Variants in RTP2 observed in about 807,000 individuals in gnomAD.
RTP2 encodes receptor-transporting protein 2.
RTP2 carries 12 observed loss-of-function variants against 17.9 expected under a neutral mutation model. The observed-to-expected ratio is 0.67, with a 90% CI of 0.43 to 1.09. The LOEUF (loss-of-function observed/expected upper bound fraction) is 1.09, where lower values mean the gene tolerates loss of function less well. RTP2 is among the 50% of genes least tolerant of loss of function. RTP2 has a pLI of 0.00. For synonymous variants in RTP2, 126 were observed against 117.7 expected, an observed-to-expected ratio of 1.07 and a Z score of -0.46; for missense variants, 327 against 295.7, an observed-to-expected ratio of 1.11 and a Z score of -0.78.
chr3:187,700,416 C>A (rs1276263747), intron 1 of RTP2, among the ~76,000 whole-genome samples: 2 of 152,202 alleles, frequency 1.3e-5, no homozygotes, highest in Non-Finnish European at 2.9e-5. Context: ...AGTTCTTCAG[C>A]TCTTCCTGAG....
At chr3:187,702,888 C>T (rs528568675), upstream of RTP2, among the ~76,000 whole-genome samples, 1 of 152,334 alleles carries the variant, frequency 6.6e-6, no homozygotes, top group East Asian at 1.9e-4. Flanking sequence ...ATATGCCATG[C>T]AAAGCACAGT....
chr3:187,703,082 T>C (rs963004664), upstream of RTP2, among the ~76,000 whole-genome samples: 6 of 152,198 alleles, frequency 3.9e-5, no homozygotes, highest in Non-Finnish European at 7.3e-5. Context: ...CCAATTCAAA[T>C]TCTTTAGAAA....
At chr3:187,710,082 T>A in the RTP2 span, among the ~76,000 whole-genome samples, 1 of 152,166 alleles carries the variant, frequency 6.6e-6, no homozygotes, top group Non-Finnish European at 1.5e-5. Context: ...TGGATGGGCA[T>A]CATCCAATCC....
At chr3:187,710,792 C>T in the RTP2 span, among the ~76,000 whole-genome samples, 1 of 151,996 alleles carries the variant, frequency 6.6e-6, no homozygotes, top group Non-Finnish European at 1.5e-5. Flanking sequence ...TTGAGGATTC[C>T]TGAAAGTGTA....
At chr3:187,703,002 G>A (rs1007935092), upstream of RTP2, among the ~76,000 whole-genome samples, 2 of 149,582 alleles carry the variant, frequency 1.3e-5, no homozygotes, top group Non-Finnish European at 3.0e-5. Context: ...AGTTTGTTCT[G>A]TGCTGCAGGC....
chr3:187,703,470 TTGAC>T (rs1365514289), upstream of RTP2, among the ~76,000 whole-genome samples: 5 of 152,218 alleles, frequency 3.3e-5, no homozygotes, highest in Admixed American at 6.5e-5. Context: ...CTTTGAACCA[TTGAC>T]TGACAGCTCT....
chr3:187,704,042 C>G (rs757217395), upstream of RTP2, among the ~76,000 whole-genome samples: 1 of 152,150 alleles, frequency 6.6e-6, no homozygotes, highest in Non-Finnish European at 1.5e-5. Context: ...CCAGAACCCA[C>G]GATTTAAGAG....
chr3:187,700,556 C>T (rs147313788), intron 1 of RTP2, among the ~76,000 whole-genome samples: 55 of 152,374 alleles, frequency 3.6e-4, no homozygotes, highest in African/African-American at 1.2e-3. Context: ...CAGGCATCTG[C>T]ACCTCTTCCA....
the RTP2 span, among the ~76,000 whole-genome samples, chr3:187,712,609 T>C: frequency 6.6e-6 from 1 of 152,164 alleles, no homozygotes. Context: ...CCCTTTTGAA[T>C]TGTGAAAATA....
At chr3:187,701,418 A>G (rs898978231) in intron 1 of RTP2, among the ~76,000 whole-genome samples, 2 of 152,214 alleles carry the variant, frequency 1.3e-5, no homozygotes, top group African/African-American at 2.4e-5. Flanking sequence ...CAACCCCCTC[A>G]TTTTGTAAAT....
chr3:187,705,487 A>T (rs914276053), upstream of RTP2, among the ~76,000 whole-genome samples: 3 of 152,232 alleles, frequency 2.0e-5, no homozygotes, highest in African/African-American at 7.2e-5. Flanking sequence ...GCAGACTTTT[A>T]AAAATATATA....
At chr3:187,701,878 C>CG in intron 1 of RTP2, 87 bp downstream of exon 1, 1 of 1,335,554 alleles carries the variant, frequency 7.5e-7, no homozygotes, top group Non-Finnish European at 1.0e-6. Context: ...AATAAGCCCG[C>CG]GACTGGGCTC....
chr3:187,706,122 CA>C (rs1340480144), upstream of RTP2, among the ~76,000 whole-genome samples: 1 of 152,102 alleles, frequency 6.6e-6, no homozygotes, highest in African/African-American at 2.4e-5. Flanking sequence ...AGTTGTCAAA[CA>C]ATTGGAAAGA....
upstream of RTP2, among the ~76,000 whole-genome samples, chr3:187,704,692 C>T (rs924359854): frequency 3.3e-5 from 5 of 152,264 alleles, no homozygotes; most frequent in Admixed American, 2.6e-4. Context: ...GAACCGTAGA[C>T]GATGCTATAG....
At chr3:187,698,799 C>T (rs779758552) in exon 2 of RTP2, 4 of 1,613,578 alleles carry the variant, frequency 2.5e-6, no homozygotes, top group Admixed American at 1.7e-5. Flanking sequence ...GCACTGCTCG[C>T]GCAGGCTGGT....
At chr3:187,712,620 T>C in the RTP2 span, among the ~76,000 whole-genome samples, 1 of 152,158 alleles carries the variant, frequency 6.6e-6, no homozygotes, top group Non-Finnish European at 1.5e-5. Flanking sequence ...TGTGAAAATA[T>C]CAGGAGGCAT....
At chr3:187,704,797 G>T (rs1178368130), upstream of RTP2, among the ~76,000 whole-genome samples, 2 of 152,176 alleles carry the variant, frequency 1.3e-5, no homozygotes, top group Non-Finnish European at 2.9e-5. Flanking sequence ...CATGGTCCAA[G>T]CTCCCACTCT....
upstream of RTP2, among the ~76,000 whole-genome samples, chr3:187,704,977 T>C (rs539215623): frequency 2.0e-5 from 3 of 152,292 alleles, no homozygotes; most frequent in African/African-American, 7.2e-5. Context: ...TCTGCTGGTG[T>C]CCAAGGGCCC....
intron 1 of RTP2, among the ~76,000 whole-genome samples, chr3:187,700,577 C>A (rs946795579): frequency 5.3e-5 from 8 of 152,220 alleles, no homozygotes; most frequent in African/African-American, 1.9e-4. Context: ...CCAGGCAGTT[C>A]AAATGCTTTA....
Sources: allele counts gnomAD v4.1 joint callset (sites outside exome capture counted in the v4.1 genomes callset), GRCh38; gene constraint gnomAD v4.1.1; transcripts MANE v1.5; gene names NCBI Gene and HGNC (gene_info 2026-07-23, HGNC 2026-07-21).